Variants in ZNF469 observed in about 807,000 individuals in gnomAD.
ZNF469 encodes the protein zinc finger protein 469.
In ZNF469, 1 loss-of-function variant was observed where a neutral mutation model predicts 1.0. That is an observed-to-expected ratio of 1.00 (90% CI 0.35 to 4.73). The LOEUF (loss-of-function observed/expected upper bound fraction) is 4.73, where lower values mean the gene tolerates loss of function less well. Ranked by LOEUF, ZNF469 falls within the 30% of genes most tolerant of loss-of-function variation. The pLI is 0.16. For missense variants in ZNF469, 6,100 were observed against 5,356.3 expected (o/e 1.14, Z -4.33); for synonymous variants, 2,703 against 2,363.4 (o/e 1.14, Z -4.17).
Position 88,438,102 on chromosome 16 carries a change from A to G in ZNF469, c.10632A>G (p.Pro3544=), listed in dbSNP as rs1233889977. 1.3e-6 allele frequency: 2 copies of G among 1,550,278 alleles called. No individual in the cohort carries two copies. Among genetic ancestry groups the G allele is most frequent in the Admixed American group, 2.0e-5 (1 of 50,990 alleles). The change falls in exon 3 of 3, where the codon CCA becomes CCG. Residue 3544 remains proline (P), a synonymous_variant. Coordinates refer to ENST00000565624, the MANE Select transcript of ZNF469 (RefSeq NM_001367624.2). ...VTHPIRGCEL[P]SNHQECPPPS... ...ACCCGATCAGAGGTTGTGAGCTGCC[A>G]TCCAACCACCAGGAGTGTCCCCCGC...
the ZNF469 span, among the ~76,000 whole-genome samples, chr16:88,327,680 G>A: frequency 1.1e-4 from 17 of 152,016 alleles, no homozygotes; most frequent in South Asian, 1.0e-3. Flanking sequence ...CTCCTCCACC[G>A]CCCTCTCCCC....
At chr16:88,163,123 T>C in the ZNF469 span, among the ~76,000 whole-genome samples, 59 of 142,294 alleles carry the variant, frequency 4.1e-4, no homozygotes, top group African/African-American at 1.5e-3. Context: ...ATGAGTGGCA[T>C]AAGTGGATGA....
At chr16:88,183,638 G>A in the ZNF469 span, among the ~76,000 whole-genome samples, 1 of 152,224 alleles carries the variant, frequency 6.6e-6, no homozygotes, top group Non-Finnish European at 1.5e-5. Flanking sequence ...CCTGACTGCA[G>A]AGGGGCAAAA....
At chr16:88,122,611 T>C in the ZNF469 span, among the ~76,000 whole-genome samples, 2 of 151,924 alleles carry the variant, frequency 1.3e-5, no homozygotes, top group Non-Finnish European at 2.9e-5. Context: ...GTCAATAAAA[T>C]AAGAAGGTCA....
the ZNF469 span, among the ~76,000 whole-genome samples, chr16:88,128,695 C>T: frequency 6.6e-6 from 1 of 152,252 alleles, no homozygotes; most frequent in East Asian, 1.9e-4. Context: ...GCTTTGGTCA[C>T]GTAAACCCCT....
rs1334462428 is a variant in ZNF469, at chr16:88,433,125, C to T, written c.5655C>T (p.Ser1885=). ...LVPVPSPACV[S]NTHPSRRSQD... ...CTGTGCCAAGTCCCGCCTGTGTATC[C>T]AACACCCACCCTAGCAGGAGGTCCC... Residue 1885 remains serine (S), a synonymous_variant, in exon 3 of 3, where the codon TCC becomes TCT. Transcript: ENST00000565624. The T allele has an allele frequency of 6.5e-7, 1 of 1,550,310 alleles. No homozygotes were observed. The highest frequency in any genetic ancestry group is 2.0e-5 in the Admixed American group (1 of 51,006).
chr16:88,348,118 C>T, the ZNF469 span, among the ~76,000 whole-genome samples: 1 of 152,262 alleles, frequency 6.6e-6, no homozygotes, highest in Admixed American at 6.5e-5. Context: ...TGCCCCTTCG[C>T]ATCTGTGTGC....
chr16:88,279,171 T>G, the ZNF469 span, among the ~76,000 whole-genome samples: 87 of 33,506 alleles, frequency 2.6e-3, 3 homozygotes, highest in East Asian at 6.5e-3. Context: ...CGTGTAGATA[T>G]CAGTGCACGG....
At chr16:88,273,780 T>C in the ZNF469 span, among the ~76,000 whole-genome samples, 4 of 151,574 alleles carry the variant, frequency 2.6e-5, no homozygotes, top group Non-Finnish European at 5.9e-5. Flanking sequence ...ATACATACAA[T>C]GTGGTGTATT....
chr16:88,420,942 G>A (rs975103448), intron 1 of ZNF469, among the ~76,000 whole-genome samples: 27 of 152,138 alleles, frequency 1.8e-4, no homozygotes, highest in African/African-American at 3.4e-4. Context: ...AGTGGGGGTC[G>A]GGAGGAAGGG....
Position 88,436,126 on chromosome 16 carries a change from G to A in ZNF469, c.8656G>A (p.Val2886Met), listed in dbSNP as rs1302086225. The A allele has an allele frequency of 2.6e-6, 4 of 1,548,308 alleles. No individual in the cohort carries two copies. In the South Asian group the frequency reaches 3.6e-5, roughly 14 times the overall value. ...CTACGGGAAGCGCTGTGAGAAGCCGGTGCTCCCGCTGCCAACCCAGCCCAG... is the reference window on the plus strand; with the variant it reads ...CTACGGGAAGCGCTGTGAGAAGCCGATGCTCCCGCTGCCAACCCAGCCCAG... Reference protein sequence around the residue: ...HVYGKRCEKPVLPLPTQPSFE... With the variant: ...HVYGKRCEKPMLPLPTQPSFE... The change falls in exon 3 of 3, where the codon GTG (valine) becomes ATG (methionine). Residue 2886 changes from valine to methionine, a missense_variant. Coordinates refer to ENST00000565624, the MANE Select transcript of ZNF469 (RefSeq NM_001367624.2).
chr16:88,142,517 C>CTGG, the ZNF469 span, among the ~76,000 whole-genome samples: 2 of 152,208 alleles, frequency 1.3e-5, no homozygotes, highest in Admixed American at 1.3e-4. Flanking sequence ...CACTGAACTC[C>CTGG]AGCCTCAGGA....
chr16:88,305,411 G>A, the ZNF469 span, among the ~76,000 whole-genome samples: 6 of 108,552 alleles, frequency 5.5e-5, no homozygotes, highest in African/African-American at 2.2e-4. Context: ...CACGCTCACA[G>A]GCACACATGC....
intron 1 of ZNF469, among the ~76,000 whole-genome samples, chr16:88,399,215 C>T (rs1904785710): frequency 1.3e-5 from 2 of 152,256 alleles, no homozygotes; most frequent in South Asian, 4.1e-4. Flanking sequence ...GAGGCTGGGC[C>T]TGGGCCCCTC....
the ZNF469 span, among the ~76,000 whole-genome samples, chr16:88,213,727 G>T: frequency 6.6e-6 from 1 of 152,178 alleles, no homozygotes; most frequent in African/African-American, 2.4e-5. Flanking sequence ...TTTTCCGGGA[G>T]TCAGGGCTCT....
rs1006857833 is a variant in ZNF469, at chr16:88,436,414, G to A, written c.8944G>A (p.Asp2982Asn). 7.1e-6 allele frequency: 11 copies of A among 1,549,136 alleles called. No individual in the cohort carries two copies. The highest frequency in any genetic ancestry group is 2.0e-5 in the Admixed American group (1 of 51,010). Residue 2982 changes from aspartate to asparagine, a missense_variant, in exon 3 of 3, where the codon GAT (aspartate) becomes AAT (asparagine). Coordinates refer to ENST00000565624, the MANE Select transcript of ZNF469 (RefSeq NM_001367624.2). ...EKLPSHCPED[D>N]RPEAIPELHM... The stretch of plus-strand genomic sequence containing the variant: ...GCTGCCCTCCCACTGCCCCGAGGAC[G>A]ATCGGCCGGAGGCCATTCCTGAGCT...
In ZNF469 at chr16:88,432,673, G is replaced by A. The variant is rs1906283142; in HGVS notation, c.5203G>A (p.Ala1735Thr). Residue 1735 changes from alanine to threonine, a missense_variant, in exon 3 of 3, where the codon GCC becomes ACC. Physicochemically the swap from Ala to Thr is moderately conservative, Grantham distance 58. Transcript: ENST00000565624. ...PSKQPGPQLDAGSLAKCSPDQ... is the reference protein window; with the variant it reads ...PSKQPGPQLDTGSLAKCSPDQ... ...CAAGCAGCCTGGCCCACAGCTGGAT[G>A]CCGGGAGTTTAGCAAAGTGCAGCCC... The A allele has an allele frequency of 1.9e-6, 3 of 1,550,318 alleles. No individual in the cohort carries two copies. The highest frequency in any genetic ancestry group is 2.6e-6 in the Non-Finnish European group (3 of 1,147,004).
At chr16:88,114,569 C>A in the ZNF469 span, among the ~76,000 whole-genome samples, 2 of 152,210 alleles carry the variant, frequency 1.3e-5, no homozygotes, top group African/African-American at 4.8e-5. Context: ...GCTGACTTCC[C>A]AGGCCATGAG....
the ZNF469 span, among the ~76,000 whole-genome samples, chr16:88,129,221 C>T: frequency 6.6e-6 from 1 of 152,208 alleles, no homozygotes; most frequent in Non-Finnish European, 1.5e-5. Flanking sequence ...TGCCAGGAAC[C>T]AAACTAACAC....
Sources: gnomAD v4.1 joint callset for allele counts (sites outside exome capture counted in the v4.1 genomes callset) on GRCh38, gnomAD v4.1.1 for gene constraint, MANE v1.5 for transcripts, NCBI Gene and HGNC (gene_info 2026-07-23, HGNC 2026-07-21) for gene names.